The following CEP128 variants were observed in gnomAD, a reference collection of about 807,000 sequenced individuals.
CEP128 encodes centrosomal protein 128kDa.
In CEP128, 132 loss-of-function variants were observed where a neutral mutation model predicts 156.7. The ratio of observed to expected loss-of-function variants is 0.84; its 90% CI spans 0.73 to 0.97. CEP128 has a LOEUF of 0.97. Among genes scored for constraint, CEP128 ranks in the 50% least tolerant of loss-of-function variants. The pLI is 0.00. For synonymous variants in CEP128, 469 were observed against 448.9 expected (o/e 1.04, Z -0.57); for missense variants, 1,252 against 1,281.9 (o/e 0.98, Z 0.36).
At chr14:80,643,461 GT>G (rs1894505790) in intron 19 of CEP128, among the ~76,000 whole-genome samples, 1 of 152,120 alleles carries the variant, frequency 6.6e-6, no homozygotes, top group Non-Finnish European at 1.5e-5. Context: ...GTTCACGCCT[GT>G]AATCCCAACA....
intron 19 of CEP128, among the ~76,000 whole-genome samples, chr14:80,583,758 A>AT (rs1439190692): frequency 6.6e-6 from 1 of 152,198 alleles, no homozygotes; most frequent in Non-Finnish European, 1.5e-5. Context: ...TTCTTCCTCT[A>AT]TTCTTTTTCT....
intron 19 of CEP128, among the ~76,000 whole-genome samples, chr14:80,724,874 G>C (rs182156456): frequency 6.6e-6 from 1 of 150,440 alleles, no homozygotes; most frequent in Non-Finnish European, 1.5e-5. Flanking sequence ...TTGCCTTGTT[G>C]TTTGCTCCTT....
intron 13 of CEP128, among the ~76,000 whole-genome samples, chr14:80,819,133 T>C (rs1034726420): frequency 1.3e-5 from 2 of 152,118 alleles, no homozygotes; most frequent in Admixed American, 6.5e-5. Flanking sequence ...GAATACTATC[T>C]TGCATGGTCA....
chr14:80,647,868 G>C (rs1894730524), intron 19 of CEP128, among the ~76,000 whole-genome samples: 1 of 152,072 alleles, frequency 6.6e-6, no homozygotes, highest in Admixed American at 6.6e-5. Context: ...ACACAATGCA[G>C]TTCTACTGGG....
Position 80,547,665 on chromosome 14 carries a change from T to C in CEP128, c.2880+11614A>G, listed in dbSNP as rs563150600. 5.9e-5 allele frequency among the ~76,000 whole-genome samples: 9 copies of C among 152,290 alleles called. No individual in the cohort carries two copies. In the East Asian group the frequency reaches 1.7e-3, roughly 29 times the overall value. On this transcript the variant is annotated intron_variant, in intron 21 of 24. Transcript: ENST00000555265. ...AGACATAGTAGGGACATAATAAATATCTCATACATAATATAATATGATTAA... is the reference window on the plus strand; with the variant it reads ...AGACATAGTAGGGACATAATAAATACCTCATACATAATATAATATGATTAA...
chr14:80,868,819 C>A (rs1180523192), intron 8 of CEP128, among the ~76,000 whole-genome samples: 1 of 151,750 alleles, frequency 6.6e-6, no homozygotes, highest in African/African-American at 2.4e-5. Flanking sequence ...GTATTCTACA[C>A]AAATGGAAAC....
At chr14:80,478,743 A>G (rs900367377) in intron 14 of CEP128, among the ~76,000 whole-genome samples, 2 of 152,258 alleles carry the variant, frequency 1.3e-5, no homozygotes, top group Non-Finnish European at 2.9e-5. Flanking sequence ...GGTACAGAGT[A>G]TCAACATCCC....
chr14:80,870,123 G>A (rs1371291202), intron 8 of CEP128, among the ~76,000 whole-genome samples: 1 of 151,804 alleles, frequency 6.6e-6, no homozygotes, highest in East Asian at 1.9e-4. Context: ...TCCCAACAAA[G>A]AAAAGCCCAG....
chr14:80,677,819 A>G lies in CEP128; in HGVS notation c.2806+65256T>C, dbSNP rs187458652. ...AAACCTTAATTGTAATTGGAGTATT[A>G]GATTGGCATTAAAACAAGACATTTA... On this transcript the variant is annotated intron_variant, in intron 19 of 24. Transcript: ENST00000555265. Among the ~76,000 whole-genome samples, 305 of 152,118 alleles carry G rather than the reference A, an allele frequency of 2.0e-3. 2 individuals are homozygous for G. The highest frequency in any genetic ancestry group is 7.1e-3 in the African/African-American group (294 of 41,518).
intron 7 of CEP128, among the ~76,000 whole-genome samples, chr14:80,897,495 C>T (rs1159349518): frequency 7.9e-5 from 12 of 152,150 alleles, no homozygotes; most frequent in African/African-American, 2.4e-4. Context: ...GTCTCACAGG[C>T]ATCTTAAACA....
chr14:80,728,052 G>A (rs144741077), intron 19 of CEP128, among the ~76,000 whole-genome samples: 8 of 152,126 alleles, frequency 5.3e-5, no homozygotes, highest in South Asian at 2.1e-4. Context: ...ACATGCATAC[G>A]TATGTTCACT....
intron 19 of CEP128, among the ~76,000 whole-genome samples, chr14:80,624,076 C>T (rs1352719681): frequency 6.6e-6 from 1 of 152,144 alleles, no homozygotes; most frequent in Non-Finnish European, 1.5e-5. Context: ...TTCCTATCAT[C>T]CCCTTCCTCA....
chr14:80,936,208 T>A (rs931111007), intron 2 of CEP128, among the ~76,000 whole-genome samples: 3 of 152,184 alleles, frequency 2.0e-5, no homozygotes, highest in Admixed American at 6.5e-5. Context: ...AAACCCTGTA[T>A]GCAGAGTAGA....
At chr14:80,808,712 T>A (rs1180736464) in intron 13 of CEP128, among the ~76,000 whole-genome samples, 1 of 152,052 alleles carries the variant, frequency 6.6e-6, no homozygotes. Context: ...CCTCCACTAA[T>A]AACTGTACCC....
At chr14:80,514,776 G>A in intron 23 of CEP128, 1 of 244,384 alleles carries the variant, frequency 4.1e-6, no homozygotes, top group South Asian at 4.2e-5. Flanking sequence ...TCTGATGCTG[G>A]GGGATATTTG....
At chr14:80,629,644 A>T (rs2167148) in intron 19 of CEP128, among the ~76,000 whole-genome samples, 97,964 of 151,848 alleles carry the variant, frequency 0.65, 33,404 homozygotes, top group Non-Finnish European at 0.75. Flanking sequence ...TACATTAATA[A>T]AAGGTGTAGT....
In CEP128 at chr14:80,932,673, G is replaced by T. The variant is rs151138074; in HGVS notation, c.-16+6712C>A. On this transcript the variant is annotated intron_variant, in intron 2 of 24. Coordinates refer to ENST00000555265, the MANE Select transcript of CEP128 (RefSeq NM_152446.5). ...TAGTTGCAGGAAAAAAAAGCTCAGG[G>T]CTCCCACTGACTCTATGGTGAGTTG... Among the ~76,000 whole-genome samples the T allele has an allele frequency of 6.6e-3, 1,005 of 152,124 alleles. 16 individuals carry two copies. The highest frequency in any genetic ancestry group is 0.023 in the African/African-American group (959 of 41,498).
chr14:80,629,153 C>T (rs1893858185), intron 19 of CEP128, among the ~76,000 whole-genome samples: 1 of 25,482 alleles, frequency 3.9e-5, no homozygotes, highest in Non-Finnish European at 7.5e-5. Context: ...AATGACTTTG[C>T]CATTAGCAAC....
At chr14:80,884,280 A>C (rs1168211144) in intron 8 of CEP128, among the ~76,000 whole-genome samples, 3 of 152,206 alleles carry the variant, frequency 2.0e-5, no homozygotes, top group Admixed American at 6.5e-5. Context: ...CAATCATCAA[A>C]ATGAAGAGAC....
Sources: gnomAD v4.1 joint callset for allele counts (sites outside exome capture counted in the v4.1 genomes callset) on GRCh38, gnomAD v4.1.1 for gene constraint, MANE v1.5 for transcripts, NCBI Gene and HGNC (gene_info 2026-07-23, HGNC 2026-07-21) for gene names.